The following POLK variants were observed in gnomAD, a reference collection of about 807,000 sequenced individuals.
POLK encodes polymerase (DNA directed) kappa.
Under a neutral mutation model 94.0 loss-of-function variants are expected in POLK, and 76 were observed. The ratio of observed to expected loss-of-function variants is 0.81; its 90% CI spans 0.67 to 0.98. The LOEUF (loss-of-function observed/expected upper bound fraction) is 0.98, where lower values mean the gene tolerates loss of function less well. Among genes scored for constraint, POLK ranks in the 50% least tolerant of loss-of-function variants. POLK has a pLI of 0.00. For synonymous variants in POLK, 349 were observed against 325.4 expected (o/e 1.07, Z -0.78); for missense variants, 954 against 1,010.1 (o/e 0.94, Z 0.75).
chr5:75,589,388 TACACACACACACACACACACACAC>T (rs71600465), intron 10 of POLK, among the ~76,000 whole-genome samples: 2 of 128,248 alleles, frequency 1.6e-5, no homozygotes, highest in South Asian at 5.3e-4. Flanking sequence ...TATACACACA[TACACACACACACACACACACACAC>T]ACACACACAC....
chr5:75,527,962 C>T (rs1409886797), intron 1 of POLK, among the ~76,000 whole-genome samples: 2 of 152,118 alleles, frequency 1.3e-5, no homozygotes, highest in African/African-American at 4.8e-5. Flanking sequence ...TAACACTGCA[C>T]AGCCATTAAA....
At chr5:75,570,039 T>C (rs1489086291) in intron 4 of POLK, among the ~76,000 whole-genome samples, 2 of 152,182 alleles carry the variant, frequency 1.3e-5, no homozygotes, top group African/African-American at 4.8e-5. Flanking sequence ...TATATTACAA[T>C]GTAATTATAA....
chr5:75,511,793 C>T (rs758623048), exon 1 of POLK: 16 of 1,551,508 alleles, frequency 1.0e-5, no homozygotes, highest in Admixed American at 3.9e-5. Flanking sequence ...GGTAGAAAAG[C>T]AGGAGGAGCG....
At chr5:75,602,299 ACAG>A (rs1355838419), downstream of POLK, among the ~76,000 whole-genome samples, 1 of 152,174 alleles carries the variant, frequency 6.6e-6, no homozygotes, top group Non-Finnish European at 1.5e-5. Flanking sequence ...CCATTCAAAA[ACAG>A]ACATTCGCCA....
downstream of POLK, among the ~76,000 whole-genome samples, chr5:75,603,531 G>A (rs1773348702): frequency 6.6e-6 from 1 of 151,924 alleles, no homozygotes; most frequent in Non-Finnish European, 1.5e-5. Context: ...GATTATTTAT[G>A]TGGTGTAAAT....
Position 75,586,701 on chromosome 5 carries a change from A to C in POLK, c.1227-325A>C, listed in dbSNP as rs1428502692. ...CATTTAATTATATTTTGTAACTGGAAGATATTACGCTATCACTTCCTATTT... is the reference window on the plus strand; with the variant it reads ...CATTTAATTATATTTTGTAACTGGACGATATTACGCTATCACTTCCTATTT... On this transcript the variant is annotated intron_variant, in intron 9 of 14. Coordinates refer to ENST00000241436, the Ensembl canonical transcript of POLK. 2.6e-5 allele frequency among the ~76,000 whole-genome samples: 4 copies of C among 152,342 alleles called. No homozygotes were observed. In the South Asian group the frequency reaches 6.2e-4, roughly 24 times the overall value.
intron 1 of POLK, among the ~76,000 whole-genome samples, chr5:75,541,799 T>C (rs1769754325): frequency 6.6e-6 from 1 of 152,246 alleles, no homozygotes; most frequent in Non-Finnish European, 1.5e-5. Flanking sequence ...TATACTTTCA[T>C]TTTTGTCATA....
chr5:75,577,571 CTGAGA>C (rs1206658426), intron 6 of POLK, among the ~76,000 whole-genome samples: 1 of 152,098 alleles, frequency 6.6e-6, no homozygotes, highest in Non-Finnish European at 1.5e-5. Context: ...ATGATTATGT[CTGAGA>C]TGTCCTGGAC....
chr5:75,566,390 G>A (rs569678761), intron 3 of POLK, among the ~76,000 whole-genome samples: 1 of 152,268 alleles, frequency 6.6e-6, no homozygotes, highest in East Asian at 1.9e-4. Context: ...TGTCTCTCTG[G>A]CGTTCAGGCA....
At chr5:75,599,718 A>C (rs1376581141) in exon 15 of POLK, 2 of 152,204 alleles carry the variant, frequency 1.3e-5, no homozygotes, top group Non-Finnish European at 2.9e-5. Context: ...TCAATATTAG[A>C]ATAAATGCTA....
chr5:75,551,536 C>CA (rs1167336119), intron 2 of POLK, among the ~76,000 whole-genome samples: 2 of 151,852 alleles, frequency 1.3e-5, no homozygotes, highest in African/African-American at 4.8e-5. Context: ...GCAACCGAAT[C>CA]AAAAAATGGT....
intron 5 of POLK, among the ~76,000 whole-genome samples, chr5:75,576,078 A>G (rs1333141068): frequency 6.6e-6 from 1 of 152,168 alleles, no homozygotes; most frequent in African/African-American, 2.4e-5. Context: ...GCATTTCTGA[A>G]TTAAAAGCCA....
intron 1 of POLK, 83 bp downstream of exon 1, chr5:75,511,997 A>G (rs146072212): frequency 6.9e-6 from 4 of 580,556 alleles, no homozygotes; most frequent in Non-Finnish European, 1.2e-5. Flanking sequence ...TTGCGTGACC[A>G]GCCCCTCGGC....
intron 11 of POLK, among the ~76,000 whole-genome samples, chr5:75,591,409 TA>T (rs5744699): frequency 0.013 from 2,035 of 152,268 alleles, 47 homozygotes; most frequent in African/African-American, 0.047. Context: ...ATTTTCTTTT[TA>T]AAAAATATTT....
At chr5:75,563,562 C>CT (rs1224922852) in intron 3 of POLK, among the ~76,000 whole-genome samples, 1 of 152,150 alleles carries the variant, frequency 6.6e-6, no homozygotes, top group Middle Eastern at 3.2e-3. Context: ...CTAAACACTG[C>CT]TTTAGCTGTG....
chr5:75,563,198 G>C (rs1242422455), intron 3 of POLK, among the ~76,000 whole-genome samples: 3 of 152,136 alleles, frequency 2.0e-5, no homozygotes, highest in Non-Finnish European at 2.9e-5. Flanking sequence ...CCAACCGCAG[G>C]TGATCTGCCC....
chr5:75,544,325 C>T (rs1309386768), intron 1 of POLK, among the ~76,000 whole-genome samples: 3 of 152,198 alleles, frequency 2.0e-5, no homozygotes, highest in African/African-American at 7.2e-5. Context: ...AATTCAAGTC[C>T]AGCCTGGGCA....
At chr5:75,578,817 A>G (rs1237399590) in intron 6 of POLK, among the ~76,000 whole-genome samples, 1 of 152,182 alleles carries the variant, frequency 6.6e-6, no homozygotes, top group East Asian at 1.9e-4. Flanking sequence ...ATACAAATAA[A>G]ATAATAATTT....
intron 3 of POLK, among the ~76,000 whole-genome samples, chr5:75,555,664 C>T (rs1157858913): frequency 3.3e-5 from 5 of 151,934 alleles, no homozygotes; most frequent in African/African-American, 9.7e-5. Flanking sequence ...TATTCTCCCT[C>T]GGCCTCCCGA....
Sources: allele counts gnomAD v4.1 joint callset (sites outside exome capture counted in the v4.1 genomes callset), GRCh38; gene constraint gnomAD v4.1.1; transcripts MANE v1.5; gene names NCBI Gene and HGNC (gene_info 2026-07-23, HGNC 2026-07-21).